PROS1: variants seen among roughly 807,000 people sequenced by gnomAD.
PROS1 encodes protein S, also known as vitamin K-dependent protein S.
PROS1 carries 29 observed loss-of-function variants against 75.9 expected under a neutral mutation model. The observed-to-expected ratio is 0.38, with a 90% CI of 0.28 to 0.52. The LOEUF is 0.52. Ranked by LOEUF, PROS1 falls within the 20% of genes least tolerant of loss-of-function variation. PROS1 has a pLI of 0.83. For missense variants in PROS1, 680 were observed against 810.3 expected (o/e 0.84, Z 1.95); for synonymous variants, 245 against 280.6 (o/e 0.87, Z 1.27).
At chr3:93,875,635 TATCTATCTATC>T (rs1708171745) in intron 14 of PROS1, among the ~76,000 whole-genome samples, 1 of 112,594 alleles carries the variant, frequency 8.9e-6, no homozygotes, top group African/African-American at 4.7e-5. Flanking sequence ...TCTATCTATC[TATCTATCTATC>T]TATCTATCTA....
intron 1 of PROS1, among the ~76,000 whole-genome samples, chr3:93,934,354 GA>G (rs1205535246): frequency 1.3e-5 from 2 of 152,134 alleles, no homozygotes; most frequent in African/African-American, 4.8e-5. Context: ...AGAAGCAATT[GA>G]AAAAATGTGA....
intron 1 of PROS1, among the ~76,000 whole-genome samples, chr3:93,927,869 A>ATGTG (rs1559941368): frequency 4.8e-4 from 67 of 139,696 alleles, no homozygotes; most frequent in African/African-American, 1.7e-3. Flanking sequence ...ATATATATAT[A>ATGTG]TATATGTGTG....
At chr3:93,956,563 A>AAAC (rs1709606627) in intron 1 of PROS1, among the ~76,000 whole-genome samples, 3,905 of 128,254 alleles carry the variant, frequency 0.03, 160 homozygotes, top group African/African-American at 0.092. Context: ...CACACACACA[A>AAAC]ACACACACAC....
intron 3 of PROS1, among the ~76,000 whole-genome samples, chr3:93,923,879 G>A (rs542564686): frequency 6.6e-6 from 1 of 151,210 alleles, no homozygotes; most frequent in African/African-American, 2.4e-5. Flanking sequence ...TCCAGCCTGG[G>A]TGACACAGCA....
intron 1 of PROS1, among the ~76,000 whole-genome samples, chr3:93,953,560 T>A (rs1709541786): frequency 6.6e-6 from 1 of 152,120 alleles, no homozygotes; most frequent in Non-Finnish European, 1.5e-5. Context: ...ATAAACTAGG[T>A]ATTGATGGGA....
At chr3:93,959,929 C>T (rs1031505353) in intron 1 of PROS1, among the ~76,000 whole-genome samples, 4 of 152,212 alleles carry the variant, frequency 2.6e-5, no homozygotes, top group Non-Finnish European at 5.9e-5. Context: ...GGTGTGTTAG[C>T]AGGCATAGTA....
intron 1 of PROS1, among the ~76,000 whole-genome samples, chr3:93,928,011 A>ATATATATATATTT (rs1235149837): frequency 2.2e-5 from 1 of 44,456 alleles, no homozygotes; most frequent in Non-Finnish European, 3.9e-5. Context: ...ATATATATAT[A>ATATATATATATTT]TTTTTTTTTT....
chr3:93,880,761 A>G (rs1338072442), intron 12 of PROS1, among the ~76,000 whole-genome samples: 1 of 152,236 alleles, frequency 6.6e-6, no homozygotes, highest in Non-Finnish European at 1.5e-5. Context: ...TTAAATATTA[A>G]TTACAAAGTA....
At chr3:93,965,580 CACTAGG>C (rs1411271533) in intron 1 of PROS1, among the ~76,000 whole-genome samples, 21 of 152,206 alleles carry the variant, frequency 1.4e-4, no homozygotes, top group African/African-American at 4.1e-4. Flanking sequence ...GGTCAGAGAA[CACTAGG>C]CTTGCCACCA....
At chr3:93,881,418 C>T (rs780064040) in intron 12 of PROS1, among the ~76,000 whole-genome samples, 2 of 152,114 alleles carry the variant, frequency 1.3e-5, no homozygotes, top group Non-Finnish European at 2.9e-5. Context: ...GTATCATGTT[C>T]ACTATTTGGG....
At chr3:93,971,250 A>C (rs1709876387) in intron 1 of PROS1, among the ~76,000 whole-genome samples, 1 of 151,474 alleles carries the variant, frequency 6.6e-6, no homozygotes, top group African/African-American at 2.4e-5. Context: ...TGGGAGGCTG[A>C]GGTGGGGGGA....
chr3:93,927,322 A>C lies in PROS1; in HGVS notation c.162T>G (p.Leu54=). The C allele has an allele frequency of 2.5e-6, 4 of 1,613,646 alleles. No individual in the cohort carries two copies. The highest frequency in any genetic ancestry group is 3.4e-6 in the Non-Finnish European group (4 of 1,179,972). The change falls in exon 2 of 15, where the codon CTT becomes CTG. Residue 54 remains leucine, a synonymous_variant. Transcript: ENST00000394236. ...ACAGTTCTTCGATGCATTCTCTTTC[A>C]AGATTACCCTGTTTGGTTTCTTCAA... is the stretch of plus-strand genomic sequence containing the variant. The part of the protein sequence containing the change: ...SLLEETKQGN[L]ERECIEELCN...
intron 1 of PROS1, among the ~76,000 whole-genome samples, chr3:93,955,419 C>T (rs1472861864): frequency 1.3e-5 from 2 of 152,188 alleles, no homozygotes; most frequent in East Asian, 3.9e-4. Flanking sequence ...AGTTCATATC[C>T]TTTGCAGGGA....
chr3:93,963,410 C>T (rs1443893464), intron 1 of PROS1, among the ~76,000 whole-genome samples: 6 of 152,186 alleles, frequency 3.9e-5, no homozygotes, highest in Admixed American at 2.0e-4. Flanking sequence ...TGGTCACTCT[C>T]TTGACTTCCT....
At chr3:93,886,601 C>A in intron 10 of PROS1, 98 bp from the exon 11 acceptor site, 1 of 919,874 alleles carries the variant, frequency 1.1e-6, no homozygotes, top group South Asian at 1.4e-5. Flanking sequence ...CAATAAAATA[C>A]TTCTGTAAAG....
At chr3:93,932,230 T>C (rs1169192409) in intron 1 of PROS1, among the ~76,000 whole-genome samples, 1 of 152,252 alleles carries the variant, frequency 6.6e-6, no homozygotes, top group East Asian at 1.9e-4. Context: ...ATCTGAATCA[T>C]AACTGTTCTA....
At chr3:93,898,099 T>C (rs1339447255) in intron 8 of PROS1, among the ~76,000 whole-genome samples, 2 of 152,088 alleles carry the variant, frequency 1.3e-5, no homozygotes, top group Non-Finnish European at 2.9e-5. Context: ...ATGTTTTCAC[T>C]GAAGTTTCTA....
At chr3:93,925,669 C>T (rs1709005404) in intron 2 of PROS1, among the ~76,000 whole-genome samples, 1 of 151,554 alleles carries the variant, frequency 6.6e-6, no homozygotes, top group Admixed American at 6.6e-5. Flanking sequence ...ACAAAAAATA[C>T]CAAAATTAGC....
chr3:93,889,536 A>G (rs900570902), intron 10 of PROS1, among the ~76,000 whole-genome samples: 13 of 152,158 alleles, frequency 8.5e-5, no homozygotes, highest in African/African-American at 2.9e-4. Context: ...ATGTTACATT[A>G]TATTATTTCC....
Sources: allele counts gnomAD v4.1 joint callset (sites outside exome capture counted in the v4.1 genomes callset), GRCh38; gene constraint gnomAD v4.1.1; transcripts MANE v1.5; gene names NCBI Gene and HGNC (gene_info 2026-07-23, HGNC 2026-07-21).